THRB: variants seen among roughly 807,000 people sequenced by gnomAD.
THRB encodes the protein nuclear receptor subfamily 1 group A member 2.
THRB carries 12 observed loss-of-function variants against 47.8 expected under a neutral mutation model. The observed-to-expected ratio is 0.25, with a 90% CI of 0.16 to 0.41. The LOEUF is 0.41. Among genes scored for constraint, THRB ranks in the 10% least tolerant of loss-of-function variants. THRB has a pLI of 1.00. For missense variants in THRB, 348 were observed against 589.2 expected (o/e 0.59, Z 4.24); for synonymous variants, 218 against 212.2 (o/e 1.03, Z -0.24).
chr3:24,129,702 C>T (rs746132557), intron 9 of THRB, among the ~76,000 whole-genome samples: 1 of 152,236 alleles, frequency 6.6e-6, no homozygotes, highest in Non-Finnish European at 1.5e-5. Flanking sequence ...TGAGAACACT[C>T]AACAAGGGCC....
chr3:24,297,406 C>T (rs2056537160), intron 2 of THRB, 35 bp from the exon 3 acceptor site: 1 of 152,236 alleles, frequency 6.6e-6, no homozygotes, highest in African/African-American at 2.4e-5. Context: ...TTGTGATCAT[C>T]TATTTCATTG....
chr3:24,322,864 T>G (rs1302538263), intron 2 of THRB, among the ~76,000 whole-genome samples: 1 of 152,192 alleles, frequency 6.6e-6, no homozygotes, highest in Admixed American at 6.5e-5. Flanking sequence ...CAGAAAAGAT[T>G]AGCTCCATCT....
chr3:24,226,962 C>T (rs2047715376), intron 4 of THRB, among the ~76,000 whole-genome samples: 1 of 152,152 alleles, frequency 6.6e-6, no homozygotes. Flanking sequence ...TAAAAATTGC[C>T]AGCCCCTGAT....
intron 8 of THRB, among the ~76,000 whole-genome samples, chr3:24,135,467 C>T (rs1185013920): frequency 2.6e-5 from 4 of 151,902 alleles, no homozygotes; most frequent in South Asian, 2.1e-4. Flanking sequence ...TGGTTTCTGT[C>T]GTGTTTCACA....
At chr3:24,448,860 G>A (rs191736989) in intron 1 of THRB, among the ~76,000 whole-genome samples, 22 of 152,342 alleles carry the variant, frequency 1.4e-4, no homozygotes, top group Admixed American at 9.2e-4. Context: ...GCCAGCAGAT[G>A]ACAGGGAAGG....
At chr3:24,401,429 T>C (rs1488909099) in intron 1 of THRB, among the ~76,000 whole-genome samples, 2 of 152,040 alleles carry the variant, frequency 1.3e-5, no homozygotes, top group Non-Finnish European at 2.9e-5. Context: ...TTCAAGAGCT[T>C]TGTCAAAACA....
At chr3:24,331,782 A>G (rs532484196) in intron 2 of THRB, among the ~76,000 whole-genome samples, 1 of 152,166 alleles carries the variant, frequency 6.6e-6, no homozygotes, top group Admixed American at 6.5e-5. Context: ...TACAAATTTG[A>G]TCACATGCAT....
intron 3 of THRB, among the ~76,000 whole-genome samples, chr3:24,230,832 A>G (rs1334484148): frequency 6.6e-6 from 1 of 152,190 alleles, no homozygotes; most frequent in Non-Finnish European, 1.5e-5. Context: ...AGGGTGAAAG[A>G]AAGGGAGGGA....
intron 2 of THRB, among the ~76,000 whole-genome samples, chr3:24,317,178 T>C (rs2058174868): frequency 6.6e-6 from 1 of 152,200 alleles, no homozygotes; most frequent in South Asian, 2.1e-4. Flanking sequence ...AGTATGAGTT[T>C]GTGGGTTCAA....
chr3:24,302,878 T>C (rs1644667342), intron 2 of THRB, among the ~76,000 whole-genome samples: 1 of 152,224 alleles, frequency 6.6e-6, no homozygotes, highest in African/African-American at 2.4e-5. Flanking sequence ...CAGTGAGTGT[T>C]TAATAAATAT....
chr3:24,369,487 T>C (rs1035419646), intron 1 of THRB, among the ~76,000 whole-genome samples: 5 of 152,130 alleles, frequency 3.3e-5, no homozygotes, highest in Admixed American at 3.3e-4. Flanking sequence ...TTGGGAATGA[T>C]TATAGAAAGA....
At chr3:24,480,968 T>C (rs370164567) in intron 1 of THRB, among the ~76,000 whole-genome samples, 4 of 152,302 alleles carry the variant, frequency 2.6e-5, no homozygotes, top group Admixed American at 1.3e-4. Flanking sequence ...CACAATATCA[T>C]CCCTGCAGAA....
At chr3:24,294,808 T>G (rs567531365) in intron 3 of THRB, among the ~76,000 whole-genome samples, 4 of 152,160 alleles carry the variant, frequency 2.6e-5, no homozygotes, top group Non-Finnish European at 5.9e-5. Context: ...GTATTTCAAG[T>G]CAAATGACAC....
intron 1 of THRB, among the ~76,000 whole-genome samples, chr3:24,419,221 C>T (rs561442528): frequency 6.6e-6 from 1 of 151,992 alleles, no homozygotes; most frequent in Admixed American, 6.6e-5. Flanking sequence ...TCACTGAGTA[C>T]CCTGTACTAT....
At chr3:24,306,916 A>G (rs1253022099) in intron 2 of THRB, among the ~76,000 whole-genome samples, 2 of 152,198 alleles carry the variant, frequency 1.3e-5, no homozygotes, top group African/African-American at 4.8e-5. Flanking sequence ...ATTAGGAGCC[A>G]ATTAATTAGT....
chr3:24,132,743 C>T (rs901706950), intron 9 of THRB, among the ~76,000 whole-genome samples: 27 of 152,140 alleles, frequency 1.8e-4, no homozygotes, highest in Admixed American at 3.3e-4. Context: ...TAGGAAAAGA[C>T]GAAAGATTTG....
intron 2 of THRB, among the ~76,000 whole-genome samples, chr3:24,299,249 T>TAAAAAAAAAAAAAA (rs36061929): frequency 1.4e-5 from 1 of 70,186 alleles, no homozygotes; most frequent in Non-Finnish European, 2.5e-5. Flanking sequence ...CTCAGTCTCA[T>TAAAAAAAAAAAAAA]AAAAAAAAAA....
At chr3:24,241,870 T>C (rs733366) in intron 3 of THRB, among the ~76,000 whole-genome samples, 47,733 of 151,802 alleles carry the variant, frequency 0.31, 8,410 homozygotes, top group African/African-American at 0.48. Flanking sequence ...TGATGCACAC[T>C]TGAGTGTGAG....
Position 24,415,243 on chromosome 3 carries a change from C to T in THRB, c.-260-77872G>A, listed in dbSNP as rs149753808. Among the ~76,000 whole-genome samples the T allele has an allele frequency of 1.9e-3, 282 of 151,938 alleles. 1 individual carries two copies. Among genetic ancestry groups the T allele is most frequent in the African/African-American group, 6.5e-3 (268 of 41,514 alleles). ...GCATTACCTTGTGGGAATTGGGACT[C>T]AGGGAACAGGCATAGGAAAATGCTG... On this transcript the variant is annotated intron_variant, in intron 1 of 10. Transcript: ENST00000646209.
Sources: allele counts gnomAD v4.1 joint callset (sites outside exome capture counted in the v4.1 genomes callset), GRCh38; gene constraint gnomAD v4.1.1; transcripts MANE v1.5; gene names NCBI Gene and HGNC (gene_info 2026-07-23, HGNC 2026-07-21).